CNOT1: variants seen among roughly 807,000 people sequenced by gnomAD.
CNOT1 encodes the protein CCR4-associated factor 1.
CNOT1 carries 15 observed loss-of-function variants against 273.8 expected under a neutral mutation model. That is an observed-to-expected ratio of 0.05 (90% CI 0.04 to 0.08). CNOT1 has a LOEUF of 0.08. CNOT1 is among the 10% of genes least tolerant of loss of function. The pLI is 1.00. For synonymous variants in CNOT1, 1,022 were observed against 1,005.5 expected (o/e 1.02, Z -0.31); for missense variants, 1,644 against 2,912.2 (o/e 0.56, Z 10.02).
At position 58,581,397 on chromosome 16, in the gene CNOT1, T is replaced by C; in HGVS notation, c.1163A>G (p.Glu388Gly). Residue 388 changes from glutamate to glycine, a missense_variant, in exon 11 of 49, where the codon GAA becomes GGA. By Grantham distance (98) the Glu-to-Gly change is moderately conservative. This residue lies in a region of CNOT1 where 706 missense variants were observed against 1,021.2 expected (regional missense o/e 0.69). Coordinates refer to ENST00000317147, the MANE Select transcript of CNOT1 (RefSeq NM_016284.5). ...ATATATGAGGTCTACTGGGAACACTTCCATACCCAAACCCCTCTGAATGCC... is the reference window on the plus strand; with the variant it reads ...ATATATGAGGTCTACTGGGAACACTCCCATACCCAAACCCCTCTGAATGCC... The part of the protein sequence containing the change: ...VYGIQRGLGM[E>G]VFPVDLIYRP... 6.2e-7 allele frequency: 1 copy of C among 1,614,010 alleles called. No homozygotes were observed. The highest frequency in any genetic ancestry group is 1.1e-5 in the South Asian group (1 of 91,064).
In CNOT1 at chr16:58,528,502, G is replaced by T; in HGVS notation, c.6426C>A (p.Leu2142=). The T allele has an allele frequency of 6.2e-7, 1 of 1,613,652 alleles. No individual in the cohort carries two copies. The highest frequency in any genetic ancestry group is 1.1e-5 in the South Asian group (1 of 91,078). The change falls in exon 44 of 49, where the codon CTC becomes CTA. Residue 2142 remains leucine (L), a synonymous_variant. Coordinates refer to ENST00000317147, the MANE Select transcript of CNOT1 (RefSeq NM_016284.5). ...TTAGATTAGGAGTGAATGGGTCGGG[G>T]AGCCTCATGTTTCTTGGAAAGGCAC... is the stretch of plus-strand genomic sequence containing the variant. ...ILSAFPRNMR[L]PDPFTPNLKV... is the part of the protein sequence containing the mutation.
intron 1 of CNOT1, among the ~76,000 whole-genome samples, chr16:58,622,097 G>A (rs573539129): frequency 2.7e-5 from 4 of 150,736 alleles, no homozygotes; most frequent in Admixed American, 1.3e-4. Flanking sequence ...TGGATCACGA[G>A]GTCAGGAGAT....
chr16:58,557,108 C>CT, intron 18 of CNOT1, 115 bp from the exon 19 acceptor site: 1 of 1,338,308 alleles, frequency 7.5e-7, no homozygotes, highest in Non-Finnish European at 9.8e-7. Context: ...GTAACTCTTA[C>CT]TTTAAAAGTC....
Position 58,605,889 on chromosome 16 carries a change from T to C in CNOT1, c.-174-6378A>G, listed in dbSNP as rs199950416. ...CCAGGCTGGTCTCAAACTCTGGGGC[T>C]CAGCGATCCCTCTGCCTAGGCCTCC... On this transcript the variant is annotated intron_variant, in intron 1 of 48. Transcript: ENST00000317147. Among the ~76,000 whole-genome samples, 4 of 152,248 alleles carry C rather than the reference T, an allele frequency of 2.6e-5. No homozygotes were observed. In the East Asian group the frequency reaches 7.7e-4, roughly 29 times the overall value.
intron 23 of CNOT1, 27 bp from the exon 24 acceptor site, chr16:58,551,299 G>A: frequency 1.9e-6 from 3 of 1,547,814 alleles, no homozygotes; most frequent in Non-Finnish European, 2.6e-6. Context: ...AAGTACATAA[G>A]GCAAATAAGT....
intron 31 of CNOT1, 120 bp downstream of exon 31, chr16:58,543,487 A>C (rs2040161453): frequency 1.3e-6 from 2 of 1,536,464 alleles, no homozygotes; most frequent in African/African-American, 2.8e-5. Flanking sequence ...ACATCAAACA[A>C]ATATGGTGAT....
In CNOT1 at chr16:58,520,756, GCC is replaced by G. The variant is rs2039340459; in HGVS notation, c.*200_*201del. 2 of 576,326 alleles carry G rather than the reference GCC, an allele frequency of 3.5e-6. No homozygotes were observed. The highest frequency in any genetic ancestry group is 6.2e-6 in the Non-Finnish European group (2 of 324,580). 35.7% of individuals were successfully genotyped at this position (576,326 alleles called of 1,614,324 possible). On this transcript the variant is annotated 3_prime_UTR_variant, in exon 49 of 49. Transcript: ENST00000317147. ...TATTCACAGCATCTTCTAAATTTTG[GCC>G]AAGAGTCAAAAAAATGCATTTAAAC...
At chr16:58,623,061 G>T (rs1232020611) in intron 1 of CNOT1, among the ~76,000 whole-genome samples, 4 of 151,790 alleles carry the variant, frequency 2.6e-5, no homozygotes, top group African/African-American at 9.7e-5. Context: ...AGCCAAGCGT[G>T]GTGGCAGGCG....
intron 4 of CNOT1, 130 bp downstream of exon 4, chr16:58,587,650 T>C: frequency 8.5e-7 from 1 of 1,173,816 alleles, no homozygotes; most frequent in Non-Finnish European, 1.2e-6. Flanking sequence ...TGTTACAAAC[T>C]ATAAAAGACA....
rs8054895 is a variant in CNOT1, at chr16:58,574,532, A to G, written c.1979+77T>C. 352,922 of 1,387,824 alleles carry G rather than the reference A, an allele frequency of 0.25. 52,161 individuals carry two copies. Among genetic ancestry groups the G allele is most frequent in the East Asian group, 0.61 (25,640 of 42,224 alleles). 86.0% of individuals were successfully genotyped at this position (1,387,824 alleles called of 1,614,324 possible). On this transcript the variant is annotated intron_variant, in intron 16 of 48. Transcript: ENST00000317147. ...TTTAAACTGCTGTCACTTTCACTGA[A>G]CCTCTTCTTCCGCAAGTCTACAATT...
intron 34 of CNOT1, among the ~76,000 whole-genome samples, 152 bp downstream of exon 34, chr16:58,541,348 AT>A (rs2040091155): frequency 6.6e-6 from 1 of 152,232 alleles, no homozygotes; most frequent in Non-Finnish European, 1.5e-5. Context: ...GTCATACTTA[AT>A]TGGACACAAA....
chr16:58,534,173 C>T lies in CNOT1; in HGVS notation c.5869G>A (p.Val1957Ile). 1 of 1,614,150 alleles carries T rather than the reference C, an allele frequency of 6.2e-7. No homozygotes were observed. ...VKHSGEATNT[V>I]TKINLLNKVL... ...TTGTTCAGCAGATTAATCTTTGTGA[C>T]AGTGTTGGTGGCCTCCCCTGAGTGT... Residue 1957 changes from valine (V) to isoleucine (I), a missense_variant, in exon 40 of 49, where the codon GTC becomes ATC. Coordinates refer to ENST00000317147, the MANE Select transcript of CNOT1 (RefSeq NM_016284.5).
chr16:58,599,656 A>T (rs2042393441), intron 1 of CNOT1, 145 bp from the exon 2 acceptor site: 2 of 434,922 alleles, frequency 4.6e-6, no homozygotes, highest in Non-Finnish European at 8.1e-6. Flanking sequence ...TTAAACTACC[A>T]TCGTCTCTGT....
At chr16:58,563,642 G>T (rs1264065190) in intron 16 of CNOT1, among the ~76,000 whole-genome samples, 2 of 152,164 alleles carry the variant, frequency 1.3e-5, no homozygotes, top group Admixed American at 1.3e-4. Context: ...AAATGTATCT[G>T]CATTCCAAAT....
chr16:58,588,199 T>G (rs756941373), intron 3 of CNOT1, among the ~76,000 whole-genome samples: 47 of 152,016 alleles, frequency 3.1e-4, no homozygotes, highest in Non-Finnish European at 5.0e-4. Context: ...CTTGGGAGGC[T>G]GAGGCAGGAG....
At position 58,583,167 on chromosome 16, in the gene CNOT1, G is replaced by C; in HGVS notation, c.822C>G (p.Arg274=). The change falls in exon 9 of 49, where the codon CGC becomes CGG. Residue 274 remains arginine (R), a synonymous_variant. Coordinates refer to ENST00000317147, the MANE Select transcript of CNOT1 (RefSeq NM_016284.5). ...GAACACCAAACTGCACGATTATATT[G>C]CGACATTCTTCAATACTGAAACAGA... ...YGFCASIEEC[R]NIIVQFGVRE... is the part of the protein sequence containing the mutation. The C allele has an allele frequency of 6.2e-7, 1 of 1,613,762 alleles. No homozygotes were observed. Among genetic ancestry groups the C allele is most frequent in the Non-Finnish European group, 8.5e-7 (1 of 1,179,972 alleles).
At chr16:58,537,375 C>G (rs148899550) in intron 38 of CNOT1, among the ~76,000 whole-genome samples, 155 bp from the exon 39 acceptor site, 1 of 152,224 alleles carries the variant, frequency 6.6e-6, no homozygotes, top group African/African-American at 2.4e-5. Context: ...TACTTAGTCT[C>G]TTATCCGCTT....
At chr16:58,580,845 C>T (rs1026144057) in intron 11 of CNOT1, 85 bp from the exon 12 acceptor site, 4 of 1,299,566 alleles carry the variant, frequency 3.1e-6, no homozygotes, top group Non-Finnish European at 3.1e-6. Flanking sequence ...TATTGTCAAT[C>T]TTAAGGTTAT....
intron 16 of CNOT1, among the ~76,000 whole-genome samples, chr16:58,561,288 A>C (rs2040832511): frequency 6.6e-6 from 1 of 152,168 alleles, no homozygotes; most frequent in Non-Finnish European, 1.5e-5. Context: ...TTTCTCTTGA[A>C]ACTAATTTGC....
Sources: allele counts gnomAD v4.1 joint callset (sites outside exome capture counted in the v4.1 genomes callset), GRCh38; gene constraint gnomAD v4.1.1; regional missense constraint gnomAD v4.1.1; transcripts MANE v1.5; gene names NCBI Gene and HGNC (gene_info 2026-07-23, HGNC 2026-07-21).